Variants in CCDC171 observed in about 807,000 individuals in gnomAD.
The protein encoded by CCDC171 is coiled-coil domain containing 171.
CCDC171 carries 177 observed loss-of-function variants against 168.2 expected under a neutral mutation model. The ratio of observed to expected loss-of-function variants is 1.05; its 90% CI spans 0.93 to 1.19. CCDC171 has a LOEUF of 1.19. Among genes scored for constraint, CCDC171 ranks in the 50% most tolerant of loss-of-function variants. CCDC171 has a pLI of 0.00. For missense variants in CCDC171, 1,991 were observed against 1,539.0 expected (o/e 1.29, Z -4.91); for synonymous variants, 687 against 540.8 (o/e 1.27, Z -3.75).
chr9:15,823,528 A>G (rs1462303448), intron 21 of CCDC171, among the ~76,000 whole-genome samples: 1 of 152,118 alleles, frequency 6.6e-6, no homozygotes, highest in African/African-American at 2.4e-5. Context: ...GGCACTTCAT[A>G]TTATTTTACT....
At chr9:15,696,807 A>T (rs1357757231) in intron 11 of CCDC171, among the ~76,000 whole-genome samples, 1 of 152,196 alleles carries the variant, frequency 6.6e-6, no homozygotes, top group Non-Finnish European at 1.5e-5. Flanking sequence ...TTAAAATTTT[A>T]ATTTTTATTC....
At chr9:15,633,717 A>G (rs894603253) in intron 7 of CCDC171, among the ~76,000 whole-genome samples, 5 of 152,200 alleles carry the variant, frequency 3.3e-5, no homozygotes, top group Non-Finnish European at 7.3e-5. Flanking sequence ...ATACAGACAC[A>G]TGCACACGTA....
chr9:15,759,403 A>G (rs1369641333), intron 18 of CCDC171, among the ~76,000 whole-genome samples: 6 of 152,194 alleles, frequency 3.9e-5, no homozygotes, highest in African/African-American at 1.4e-4. Context: ...CTGTATAACC[A>G]GAATGCAACT....
At chr9:15,779,567 C>G (rs191104745) in intron 20 of CCDC171, among the ~76,000 whole-genome samples, 2 of 152,190 alleles carry the variant, frequency 1.3e-5, no homozygotes, top group East Asian at 3.9e-4. Context: ...TCCATGTTGG[C>G]CGGGGTGTTC....
At chr9:15,928,219 C>G (rs1440161407) in intron 25 of CCDC171, among the ~76,000 whole-genome samples, 3 of 151,704 alleles carry the variant, frequency 2.0e-5, no homozygotes, top group African/African-American at 7.3e-5. Flanking sequence ...TAAAAGAGGG[C>G]TGTTAAAGTA....
intron 7 of CCDC171, among the ~76,000 whole-genome samples, chr9:15,643,423 C>T (rs1010162093): frequency 6.6e-6 from 1 of 152,164 alleles, no homozygotes; most frequent in Admixed American, 6.5e-5. Flanking sequence ...TTTATACCTA[C>T]AACCTCTGGG....
the CCDC171 span, among the ~76,000 whole-genome samples, chr9:16,105,810 A>C: frequency 6.6e-6 from 1 of 152,196 alleles, no homozygotes; most frequent in Non-Finnish European, 1.5e-5. Context: ...TTGGCACCAA[A>C]TGTATGTATC....
intron 7 of CCDC171, among the ~76,000 whole-genome samples, chr9:15,643,526 C>T (rs1281725940): frequency 6.6e-6 from 1 of 152,282 alleles, no homozygotes; most frequent in African/African-American, 2.4e-5. Context: ...GCTGCCACTT[C>T]TTGACATTCC....
chr9:15,718,978 C>T (rs1450100881), intron 11 of CCDC171, among the ~76,000 whole-genome samples: 1 of 152,096 alleles, frequency 6.6e-6, no homozygotes, highest in Admixed American at 6.6e-5. Flanking sequence ...CTTCAGCAAA[C>T]AAACTAAATA....
At chr9:15,769,842 A>G (rs1272864325) in intron 18 of CCDC171, among the ~76,000 whole-genome samples, 1 of 152,218 alleles carries the variant, frequency 6.6e-6, no homozygotes, top group Non-Finnish European at 1.5e-5. Context: ...TTTCTTTGAA[A>G]TAGCAGCCTT....
At chr9:16,054,258 A>C (rs966416892) in intron 1 of CCDC171, among the ~76,000 whole-genome samples, 1 of 152,132 alleles carries the variant, frequency 6.6e-6, no homozygotes, top group Non-Finnish European at 1.5e-5. Flanking sequence ...CCCTCAAGGA[A>C]CCCTCTAATT....
At chr9:15,961,538 A>G (rs1458292570) in intron 25 of CCDC171, among the ~76,000 whole-genome samples, 1 of 152,184 alleles carries the variant, frequency 6.6e-6, no homozygotes, top group Non-Finnish European at 1.5e-5. Flanking sequence ...ACTCAATGTA[A>G]AACTGTAAAT....
intron 9 of CCDC171, among the ~76,000 whole-genome samples, chr9:15,677,926 A>AC (rs1554754419): frequency 3.5e-5 from 1 of 28,238 alleles, no homozygotes; most frequent in Non-Finnish European, 5.7e-5. Context: ...ATATATATAT[A>AC]AGAGATGTGG....
downstream of CCDC171, among the ~76,000 whole-genome samples, chr9:16,065,769 T>TA (rs1476558660): frequency 6.6e-6 from 1 of 151,886 alleles, no homozygotes; most frequent in Non-Finnish European, 1.5e-5. Context: ...TCAGTTTTCC[T>TA]ATCTGTGAAA....
At chr9:15,623,165 A>C (rs7863088) in intron 6 of CCDC171, 102 bp from the exon 7 acceptor site, 1 of 712,044 alleles carries the variant, frequency 1.4e-6, no homozygotes, top group Non-Finnish European at 2.2e-6. Context: ...CTATTATTAT[A>C]GTTGAAGCAC....
intron 21 of CCDC171, among the ~76,000 whole-genome samples, chr9:15,815,092 T>G (rs910526586): frequency 6.6e-6 from 1 of 152,352 alleles, no homozygotes; most frequent in South Asian, 2.1e-4. Context: ...TGTGTAACCT[T>G]GATCCAGCTC....
In CCDC171 at chr9:15,995,531, C is replaced by A. The variant is rs542545404; in HGVS notation, n.369-25058C>A. On this transcript the variant is annotated intron_variant and non_coding_transcript_variant, in intron 3 of 9. Coordinates refer to the CCDC171 transcript ENST00000486641. ...AGCACATCTCAGCACAGTTATTCTACCCTTGGAATCCTTAATTTCTGTAGG... is the reference window on the plus strand; with the variant it reads ...AGCACATCTCAGCACAGTTATTCTAACCTTGGAATCCTTAATTTCTGTAGG... Among the ~76,000 whole-genome samples the A allele has an allele frequency of 5.3e-5, 8 of 152,322 alleles. No individual in the cohort carries two copies. The South Asian group carries it at 1.0e-3, about 20-fold the overall frequency.
intron 11 of CCDC171, among the ~76,000 whole-genome samples, chr9:15,714,816 A>G (rs1029567577): frequency 4.6e-4 from 70 of 152,166 alleles, no homozygotes; most frequent in African/African-American, 1.6e-3. Context: ...AATCAGAGCT[A>G]GGACTTTTCT....
the CCDC171 span, among the ~76,000 whole-genome samples, chr9:16,078,080 A>G: frequency 7.2e-6 from 1 of 139,788 alleles, no homozygotes; most frequent in Non-Finnish European, 1.5e-5. Flanking sequence ...ACACACACAC[A>G]CACACACACA....
Sources: gnomAD v4.1 joint callset for allele counts (sites outside exome capture counted in the v4.1 genomes callset) on GRCh38, gnomAD v4.1.1 for gene constraint, MANE v1.5 for transcripts, NCBI Gene and HGNC (gene_info 2026-07-23, HGNC 2026-07-21) for gene names.